MEIKIN: variants seen among roughly 807,000 people sequenced by gnomAD.
MEIKIN encodes meiosis-specific kinetochore protein.
At chr5:131,900,808 T>C (rs914760410) in intron 8 of MEIKIN, among the ~76,000 whole-genome samples, 10 of 152,146 alleles carry the variant, frequency 6.6e-5, no homozygotes, top group African/African-American at 2.4e-4. Flanking sequence ...GCTCCTGTGC[T>C]GGCAGACTGC....
intron 9 of MEIKIN, among the ~76,000 whole-genome samples, chr5:131,858,339 G>C (rs551971566): frequency 1.3e-5 from 2 of 152,292 alleles, no homozygotes; most frequent in South Asian, 4.1e-4. Context: ...AATGGGGAAA[G>C]GACTGTTTTA....
chr5:131,921,118 G>C (rs1455682928), intron 6 of MEIKIN, among the ~76,000 whole-genome samples: 2 of 152,130 alleles, frequency 1.3e-5, no homozygotes, highest in East Asian at 3.8e-4. Context: ...CAGGAGACTA[G>C]GGAGAAATAA....
rs1362723174 is a variant in MEIKIN, at chr5:131,940,949, CA to C, written c.349+1685del. Among the ~76,000 whole-genome samples the C allele has an allele frequency of 2.4e-4, 37 of 152,048 alleles. 1 individual carries two copies. The highest frequency in any genetic ancestry group is 2.4e-3 in the Admixed American group (37 of 15,268). On this transcript the variant is annotated intron_variant, in intron 4 of 12. Transcript: ENST00000442687. ...TCTCCTCTGTTTATCAACTCAGCCC[CA>C]ACATTGACCCTTAAGAGCCAGCCCC...
At chr5:131,898,900 G>A (rs187164182) in intron 8 of MEIKIN, among the ~76,000 whole-genome samples, 12 of 152,266 alleles carry the variant, frequency 7.9e-5, no homozygotes, top group South Asian at 2.1e-4. Flanking sequence ...GCAATGCCCC[G>A]CCCTCCTTCG....
chr5:131,932,392 G>T (rs577697789), intron 5 of MEIKIN, among the ~76,000 whole-genome samples: 4 of 152,208 alleles, frequency 2.6e-5, no homozygotes, highest in African/African-American at 4.8e-5. Flanking sequence ...AAGTGAGCTG[G>T]TTGCCTAGAC....
chr5:131,920,524 A>C (rs1751486290), intron 6 of MEIKIN, among the ~76,000 whole-genome samples: 1 of 152,198 alleles, frequency 6.6e-6, no homozygotes, highest in Non-Finnish European at 1.5e-5. Flanking sequence ...TAATTGGAGA[A>C]ATTCAGCAGA....
intron 8 of MEIKIN, among the ~76,000 whole-genome samples, chr5:131,897,344 T>C (rs564442148): frequency 1.8e-4 from 28 of 152,334 alleles, no homozygotes; most frequent in African/African-American, 6.7e-4. Context: ...CCTTGGTGAA[T>C]CTGACAATTA....
chr5:131,848,853 A>G (rs1750062235), intron 11 of MEIKIN, among the ~76,000 whole-genome samples: 1 of 152,330 alleles, frequency 6.6e-6, no homozygotes, highest in East Asian at 1.9e-4. Flanking sequence ...GTGGAATGCA[A>G]GGATGGTTCA....
chr5:131,909,382 G>C (rs1751297417), intron 8 of MEIKIN, among the ~76,000 whole-genome samples: 1 of 152,152 alleles, frequency 6.6e-6, no homozygotes, highest in Non-Finnish European at 1.5e-5. Flanking sequence ...AATGAAACTA[G>C]ACCCTTGTCT....
chr5:131,891,940 G>T (rs1015867579), intron 8 of MEIKIN, among the ~76,000 whole-genome samples: 2 of 152,160 alleles, frequency 1.3e-5, no homozygotes, highest in African/African-American at 4.8e-5. Context: ...GCATTTGCTT[G>T]TCTGTAAAGG....
intron 8 of MEIKIN, among the ~76,000 whole-genome samples, chr5:131,882,755 T>C (rs536441815): frequency 6.6e-6 from 1 of 152,174 alleles, no homozygotes; most frequent in Non-Finnish European, 1.5e-5. Flanking sequence ...CAACCATTCA[T>C]CTTCCTGCTC....
At chr5:131,891,726 A>G (rs1750923425) in intron 8 of MEIKIN, among the ~76,000 whole-genome samples, 1 of 152,118 alleles carries the variant, frequency 6.6e-6, no homozygotes, top group South Asian at 2.1e-4. Flanking sequence ...TTTAAGGTTA[A>G]TATTGTTATG....
At chr5:131,927,884 G>A (rs190744020) in intron 5 of MEIKIN, among the ~76,000 whole-genome samples, 100 of 152,152 alleles carry the variant, frequency 6.6e-4, no homozygotes, top group African/African-American at 2.1e-3. Flanking sequence ...GGTGGCTCAC[G>A]CCTGTAATCC....
chr5:131,850,720 A>AT (rs1422009422), intron 11 of MEIKIN, among the ~76,000 whole-genome samples: 1 of 152,062 alleles, frequency 6.6e-6, no homozygotes, highest in Non-Finnish European at 1.5e-5. Context: ...AACAAAAAAA[A>AT]ATTGAAGAAA....
At chr5:131,857,877 G>A (rs1290010459) in intron 9 of MEIKIN, among the ~76,000 whole-genome samples, 1 of 152,216 alleles carries the variant, frequency 6.6e-6, no homozygotes, top group Non-Finnish European at 1.5e-5. Context: ...CTAATGTGCG[G>A]CACTCTGCCC....
At position 131,892,259 on chromosome 5, in the gene MEIKIN, A is replaced by G. The variant is rs941792809; in HGVS notation, c.704-13211T>C. On this transcript the variant is annotated intron_variant, in intron 8 of 12. Transcript: ENST00000442687. ...CTGTATTTCCTGAATGTGAATGTTG[A>G]CCTGCCTTGCTAGATTGGGGAAGTT... is the stretch of plus-strand genomic sequence containing the variant. 2.0e-5 allele frequency among the ~76,000 whole-genome samples: 3 copies of G among 152,070 alleles called. No individual in the cohort carries two copies. The East Asian group carries it at 5.8e-4, about 29-fold the overall frequency.
chr5:131,945,358 CAGCTCGGCTG>C, intron 1 of MEIKIN, 32 bp downstream of exon 1: 1 of 399,042 alleles, frequency 2.5e-6, no homozygotes, highest in East Asian at 3.6e-5. Context: ...GTCCCGGAGG[CAGCTCGGCTG>C]AGCTTACGGT....
chr5:131,826,477 A>C (rs1334483720), intron 11 of MEIKIN, among the ~76,000 whole-genome samples: 2 of 152,134 alleles, frequency 1.3e-5, no homozygotes, highest in African/African-American at 4.8e-5. Flanking sequence ...TTTTGCCAAC[A>C]AAGTTGAGTT....
chr5:131,888,990 A>T (rs1449275235), intron 8 of MEIKIN, among the ~76,000 whole-genome samples: 1 of 152,036 alleles, frequency 6.6e-6, no homozygotes, highest in African/African-American at 2.4e-5. Flanking sequence ...TTGCTTGTTT[A>T]TGTCAGGTTT....
Sources: allele counts gnomAD v4.1 joint callset (sites outside exome capture counted in the v4.1 genomes callset), GRCh38; gene constraint gnomAD v4.1.1; transcripts MANE v1.5; gene names NCBI Gene and HGNC (gene_info 2026-07-23, HGNC 2026-07-21).